KCNU1: variants seen among roughly 807,000 people sequenced by gnomAD.
KCNU1 encodes potassium channel subfamily U member 1.
A neutral mutation model predicts 126.8 loss-of-function variants in KCNU1; 93 were observed. That is an observed-to-expected ratio of 0.73 (90% CI 0.62 to 0.87). The LOEUF is 0.87. Ranked by LOEUF, KCNU1 falls within the 40% of genes least tolerant of loss-of-function variation. KCNU1 has a pLI of 0.00. For missense variants in KCNU1, 1,330 were observed against 1,367.1 expected (o/e 0.97, Z 0.43); for synonymous variants, 523 against 494.2 (o/e 1.06, Z -0.77).
chr8:36,800,727 C>T (rs1240305600), intron 2 of KCNU1, among the ~76,000 whole-genome samples: 1 of 152,218 alleles, frequency 6.6e-6, no homozygotes, highest in Non-Finnish European at 1.5e-5. Context: ...TTCATTCCTA[C>T]CCGACTCACT....
At chr8:36,879,824 G>A (rs181118715) in intron 19 of KCNU1, among the ~76,000 whole-genome samples, 2 of 152,296 alleles carry the variant, frequency 1.3e-5, no homozygotes, top group Admixed American at 6.5e-5. Flanking sequence ...GGCCTGCCTC[G>A]AGTGGGCACT....
At chr8:36,877,719 T>C (rs4739450) in intron 19 of KCNU1, among the ~76,000 whole-genome samples, 56,559 of 152,042 alleles carry the variant, frequency 0.37, 10,837 homozygotes, top group Admixed American at 0.43. Flanking sequence ...CCTTCTTCTC[T>C]ATTTTTATAT....
At chr8:36,789,784 T>A (rs529016373) in intron 2 of KCNU1, among the ~76,000 whole-genome samples, 1 of 152,242 alleles carries the variant, frequency 6.6e-6, no homozygotes, top group Admixed American at 6.5e-5. Flanking sequence ...TAACAAAGAA[T>A]AAAGCAATTG....
rs188940465 is a variant in KCNU1, at chr8:36,846,095, T to C, written c.1891+196T>C. On this transcript the variant is annotated intron_variant, in intron 18 of 26. Transcript: ENST00000399881. ...GGAAGAAACCTAACTAGTTATCGAA[T>C]TCAGTTCCTTTAAAAGCAGGCAAAT... Among the ~76,000 whole-genome samples, 11 of 152,328 alleles carry C rather than the reference T, an allele frequency of 7.2e-5. No homozygotes were observed. In the East Asian group the frequency reaches 2.1e-3, roughly 29 times the overall value.
chr8:36,817,212 G>T (rs968339103), intron 9 of KCNU1, among the ~76,000 whole-genome samples: 2 of 151,968 alleles, frequency 1.3e-5, no homozygotes, highest in African/African-American at 4.8e-5. Flanking sequence ...AAATCTGGGT[G>T]ATGCAGGCCA....
At chr8:36,879,913 G>T (rs1806411182) in intron 19 of KCNU1, among the ~76,000 whole-genome samples, 1 of 152,138 alleles carries the variant, frequency 6.6e-6, no homozygotes, top group Non-Finnish European at 1.5e-5. Flanking sequence ...CACTCCAACC[G>T]CCAATCAAGT....
At chr8:36,858,053 G>A (rs1805593423) in intron 18 of KCNU1, among the ~76,000 whole-genome samples, 3 of 151,906 alleles carry the variant, frequency 2.0e-5, no homozygotes, top group Non-Finnish European at 2.9e-5. Flanking sequence ...TTTCACTGAG[G>A]AGCCAGTTTA....
intron 15 of KCNU1, 63 bp downstream of exon 15, chr8:36,840,638 T>C: frequency 1.1e-6 from 1 of 950,186 alleles, no homozygotes; most frequent in Non-Finnish European, 1.7e-6. Context: ...CAACGTTCAC[T>C]GAGGGCCCAC....
intron 24 of KCNU1, among the ~76,000 whole-genome samples, chr8:36,930,707 C>G (rs538535377): frequency 6.6e-6 from 1 of 152,046 alleles, no homozygotes; most frequent in Non-Finnish European, 1.5e-5. Flanking sequence ...CTTCTTCATC[C>G]GAAGTGTAAT....
chr8:36,912,282 A>G (rs1380794284), intron 22 of KCNU1, among the ~76,000 whole-genome samples: 1 of 152,254 alleles, frequency 6.6e-6, no homozygotes, highest in East Asian at 1.9e-4. Context: ...CACTGTTGCT[A>G]TGCAAGAAAA....
chr8:36,931,784 G>T (rs534807975), intron 25 of KCNU1, among the ~76,000 whole-genome samples: 38 of 152,152 alleles, frequency 2.5e-4, no homozygotes, highest in African/African-American at 9.1e-4. Flanking sequence ...TAAGAATCTG[G>T]CTGCACTGGC....
At chr8:36,843,886 T>C (rs1207715615) in intron 16 of KCNU1, among the ~76,000 whole-genome samples, 2 of 152,172 alleles carry the variant, frequency 1.3e-5, no homozygotes, top group Non-Finnish European at 2.9e-5. Flanking sequence ...AATGATTTTG[T>C]TCCAGGGACA....
intron 19 of KCNU1, among the ~76,000 whole-genome samples, chr8:36,898,504 A>G (rs922846361): frequency 6.6e-6 from 1 of 151,964 alleles, no homozygotes; most frequent in African/African-American, 2.4e-5. Flanking sequence ...GATCAATACA[A>G]TGAAAAGGGA....
intron 19 of KCNU1, among the ~76,000 whole-genome samples, chr8:36,886,003 C>T (rs928849280): frequency 6.6e-6 from 1 of 152,118 alleles, no homozygotes; most frequent in Admixed American, 6.5e-5. Flanking sequence ...AACAGACCCA[C>T]GAAAAATCTG....
intron 19 of KCNU1, among the ~76,000 whole-genome samples, chr8:36,883,923 A>G (rs1357055909): frequency 6.6e-6 from 1 of 152,106 alleles, no homozygotes; most frequent in Non-Finnish European, 1.5e-5. Flanking sequence ...GTTATCATAA[A>G]CTCACTAAAA....
chr8:36,909,705 G>C (rs963038490), intron 21 of KCNU1, among the ~76,000 whole-genome samples, 170 bp downstream of exon 21: 3 of 152,164 alleles, frequency 2.0e-5, no homozygotes, highest in African/African-American at 7.2e-5. Context: ...CTATGGGGTA[G>C]ATATTAAATT....
At chr8:36,820,522 C>A (rs1804083547) in intron 10 of KCNU1, among the ~76,000 whole-genome samples, 2 of 151,500 alleles carry the variant, frequency 1.3e-5, no homozygotes. Flanking sequence ...AGGAAATGTA[C>A]CTAATGAAAT....
intron 1 of KCNU1, among the ~76,000 whole-genome samples, chr8:36,785,982 G>A (rs1802698088): frequency 6.6e-6 from 1 of 152,076 alleles, no homozygotes; most frequent in Admixed American, 6.6e-5. Flanking sequence ...CCAGAATGCT[G>A]TACCATTCTG....
At chr8:36,926,629 C>T (rs2117602559) in intron 24 of KCNU1, among the ~76,000 whole-genome samples, 1 of 152,226 alleles carries the variant, frequency 6.6e-6, no homozygotes, top group Middle Eastern at 3.4e-3. Flanking sequence ...TTCCAATTTC[C>T]AGCCAGAAGT....
Sources: gnomAD v4.1 joint callset for allele counts (sites outside exome capture counted in the v4.1 genomes callset) on GRCh38, gnomAD v4.1.1 for gene constraint, MANE v1.5 for transcripts, NCBI Gene and HGNC (gene_info 2026-07-23, HGNC 2026-07-21) for gene names.